Variants in NNMT observed in about 807,000 individuals in gnomAD.
The protein encoded by NNMT is nicotinamide N-methyltransferase.
Under a neutral mutation model 11.7 loss-of-function variants are expected in NNMT, and 10 were observed. That is an observed-to-expected ratio of 0.85 (90% CI 0.53 to 1.45). The LOEUF is 1.45. NNMT is among the 40% of genes most tolerant of loss of function. NNMT has a pLI of 0.00. For synonymous variants in NNMT, 143 were observed against 133.8 expected (o/e 1.07, Z -0.48); for missense variants, 381 against 319.4 (o/e 1.19, Z -1.47).
intron 2 of NNMT, among the ~76,000 whole-genome samples, chr11:114,286,520 T>C (rs945673081): frequency 1.3e-5 from 2 of 152,198 alleles, no homozygotes; most frequent in Non-Finnish European, 2.9e-5. Context: ...AATAATAAAA[T>C]TTACTTTTGT....
chr11:114,274,307 C>T (rs1945196706), intron 2 of NNMT, among the ~76,000 whole-genome samples: 1 of 152,258 alleles, frequency 6.6e-6, no homozygotes, highest in Non-Finnish European at 1.5e-5. Flanking sequence ...AGGAAAGTGA[C>T]TAATTGGCAT....
At chr11:114,287,607 A>G (rs562363901) in intron 2 of NNMT, among the ~76,000 whole-genome samples, 2 of 152,172 alleles carry the variant, frequency 1.3e-5, no homozygotes, top group South Asian at 4.1e-4. Context: ...CTATTTGTCA[A>G]TCCTACTACC....
chr11:114,281,785 A>G (rs968155368), intron 2 of NNMT, among the ~76,000 whole-genome samples: 3 of 152,184 alleles, frequency 2.0e-5, no homozygotes, highest in Non-Finnish European at 4.4e-5. Flanking sequence ...GAGTTTTTCT[A>G]GGCTAGGGAC....
At chr11:114,270,808 T>C (rs1480372385) in intron 2 of NNMT, among the ~76,000 whole-genome samples, 1 of 152,088 alleles carries the variant, frequency 6.6e-6, no homozygotes, top group East Asian at 1.9e-4. Flanking sequence ...TTTTTCTCGC[T>C]TTGTTGCCCA....
chr11:114,285,111 C>A (rs530123475), intron 2 of NNMT, among the ~76,000 whole-genome samples: 8 of 152,194 alleles, frequency 5.3e-5, no homozygotes, highest in African/African-American at 1.9e-4. Flanking sequence ...AAGAAGCTTG[C>A]CACCTTACAC....
At chr11:114,280,335 A>G (rs1242012639) in intron 2 of NNMT, among the ~76,000 whole-genome samples, 1 of 152,090 alleles carries the variant, frequency 6.6e-6, no homozygotes, top group Non-Finnish European at 1.5e-5. Flanking sequence ...GGCTGGGCTC[A>G]CACAGCCAGA....
chr11:114,269,160 C>T (rs1945149243), intron 2 of NNMT, among the ~76,000 whole-genome samples: 1 of 152,210 alleles, frequency 6.6e-6, no homozygotes, highest in Non-Finnish European at 1.5e-5. Context: ...TAGCTCCAGA[C>T]TCTGTGCTCT....
At chr11:114,297,481 A>ATT (rs34396568) in intron 1 of NNMT, 6,373 of 137,178 alleles carry the variant, frequency 0.046, 222 homozygotes, top group East Asian at 0.095. Context: ...AAAATATGGG[A>ATT]TTTTTTTTTT....
intron 1 of NNMT, among the ~76,000 whole-genome samples, chr11:114,260,796 G>A (rs542781201): frequency 2.0e-5 from 3 of 152,314 alleles, no homozygotes; most frequent in South Asian, 2.1e-4. Context: ...GGTGGCTGCC[G>A]TGCGGTGCAC....
intron 2 of NNMT, among the ~76,000 whole-genome samples, chr11:114,278,988 C>T (rs1945237712): frequency 6.6e-6 from 1 of 152,160 alleles, no homozygotes; most frequent in African/African-American, 2.4e-5. Flanking sequence ...GCTCCCCTTG[C>T]TGCATAAAGT....
At chr11:114,266,201 C>A (rs982575358) in intron 2 of NNMT, among the ~76,000 whole-genome samples, 1 of 152,126 alleles carries the variant, frequency 6.6e-6, no homozygotes, top group Non-Finnish European at 1.5e-5. Flanking sequence ...GCAATCAACA[C>A]GTACTAATAT....
At chr11:114,276,351 C>G (rs370466163) in intron 2 of NNMT, among the ~76,000 whole-genome samples, 1 of 152,036 alleles carries the variant, frequency 6.6e-6, no homozygotes, top group East Asian at 1.9e-4. Flanking sequence ...CCACGACTGC[C>G]CAGTTGACCC....
At chr11:114,268,838 TG>T (rs1432193499) in intron 2 of NNMT, among the ~76,000 whole-genome samples, 4 of 151,666 alleles carry the variant, frequency 2.6e-5, no homozygotes, top group African/African-American at 9.7e-5. Context: ...TCAGAATTTG[TG>T]GGCATGCTAC....
At chr11:114,300,965 A>T (rs1189382464) in intron 2 of NNMT, among the ~76,000 whole-genome samples, 1 of 152,206 alleles carries the variant, frequency 6.6e-6, no homozygotes, top group Non-Finnish European at 1.5e-5. Flanking sequence ...CACTGGATTT[A>T]GTGATTCAGT....
chr11:114,296,444 G>T lies in NNMT; in HGVS notation c.-113G>T. 1 of 1,073,172 alleles carries T rather than the reference G, an allele frequency of 9.3e-7. No individual in the cohort carries two copies. 66.5% of individuals were successfully genotyped at this position (1,073,172 alleles called of 1,614,324 possible). ...TTCTAAAAGAAGGGCTGAACTGATGGAAGGAATGCTGTTAGCCTGAGACTC... is the reference window on the plus strand; with the variant it reads ...TTCTAAAAGAAGGGCTGAACTGATGTAAGGAATGCTGTTAGCCTGAGACTC... On this transcript the variant is annotated 5_prime_UTR_variant, in exon 1 of 3. An upstream open reading frame in the 5' UTR gains an earlier in-frame stop. Coordinates refer to ENST00000299964, the MANE Select transcript of NNMT (RefSeq NM_006169.3).
chr11:114,292,197 A>G (rs1162499966), upstream of NNMT, among the ~76,000 whole-genome samples: 1 of 152,210 alleles, frequency 6.6e-6, no homozygotes, highest in East Asian at 1.9e-4. Context: ...CTCTACTGCT[A>G]ATATATACAA....
At chr11:114,281,062 C>T (rs1055513583) in intron 2 of NNMT, among the ~76,000 whole-genome samples, 7 of 152,334 alleles carry the variant, frequency 4.6e-5, no homozygotes, top group Middle Eastern at 3.4e-3. Flanking sequence ...CAGGGTCCCA[C>T]TAGGGACGTA....
chr11:114,262,340 C>T (rs1046148638), intron 1 of NNMT, among the ~76,000 whole-genome samples: 1 of 152,158 alleles, frequency 6.6e-6, no homozygotes, highest in African/African-American at 2.4e-5. Flanking sequence ...GCTATTCTTC[C>T]TCATGCTCTC....
At chr11:114,301,890 T>C (rs1300296510) in intron 2 of NNMT, among the ~76,000 whole-genome samples, 1 of 151,974 alleles carries the variant, frequency 6.6e-6, no homozygotes, top group Non-Finnish European at 1.5e-5. Flanking sequence ...TCTGTCTCTA[T>C]CTCACTCTCT....
Sources: allele counts gnomAD v4.1 joint callset (sites outside exome capture counted in the v4.1 genomes callset), GRCh38; gene constraint gnomAD v4.1.1; transcripts MANE v1.5; gene names NCBI Gene and HGNC (gene_info 2026-07-23, HGNC 2026-07-21).